STRN3: variants seen among roughly 807,000 people sequenced by gnomAD.
STRN3 encodes striatin 3, also known as striatin-3.
STRN3 carries 29 observed loss-of-function variants against 95.6 expected under a neutral mutation model. The observed-to-expected ratio is 0.30, with a 90% confidence interval of 0.23 to 0.41. The LOEUF (loss-of-function observed/expected upper bound fraction) is 0.41, where lower values mean the gene tolerates loss of function less well. STRN3 is among the 10% of genes least tolerant of loss of function. The probability of loss-of-function intolerance (pLI) is 1.00; values close to 1 mark genes in which losing one functional copy is unlikely to be tolerated. For synonymous variants in STRN3, 331 were observed against 357.6 expected (o/e 0.93, Z 0.84); for missense variants, 890 against 972.1 (o/e 0.92, Z 1.12).
intron 1 of STRN3, among the ~76,000 whole-genome samples, chr14:31,022,373 A>G (rs1805486622): frequency 9.4e-6 from 1 of 106,546 alleles, no homozygotes; most frequent in African/African-American, 3.6e-5. Context: ...GTAGAGCGAG[A>G]CTCCATCTCA....
intron 16 of STRN3, among the ~76,000 whole-genome samples, chr14:30,900,359 CAA>C (rs559429217): frequency 3.7e-5 from 2 of 53,910 alleles, no homozygotes; most frequent in African/African-American, 7.1e-5. Flanking sequence ...AACTCCATCT[CAA>C]AAAAAAAAAA....
rs957962162 is a variant in STRN3, at chr14:30,895,224, T to C, written c.*187A>G. 4 of 621,602 alleles carry C rather than the reference T, an allele frequency of 6.4e-6. No homozygotes were observed. In the South Asian group the frequency reaches 1.1e-4, roughly 17 times the overall value. 38.5% of individuals were successfully genotyped at this position (621,602 alleles called of 1,614,324 possible). A position where few individuals can be genotyped will look rare whatever the true frequency, so the allele number is the denominator to read the frequency against. The stretch of plus-strand genomic sequence containing the variant: ...GTCCTTTTTTCTTTGTCCCACAAAA[T>C]ACAGTAATTACAGTTAACTTAATGA... On this transcript the variant is annotated 3_prime_UTR_variant, in exon 18 of 18. Transcript: ENST00000357479.
chr14:30,902,627 A>C lies in STRN3; in HGVS notation c.2046T>G (p.Asn682Lys), dbSNP rs1896354964. 1 of 1,593,788 alleles carries C rather than the reference A, an allele frequency of 6.3e-7. No individual in the cohort carries two copies. Among genetic ancestry groups the C allele is most frequent in the Admixed American group, 1.8e-5 (1 of 56,632 alleles). Residue 682 changes from asparagine to lysine, a missense_variant, in exon 16 of 18, where the codon AAT (asparagine) becomes AAG (lysine). Asn to Lys is a moderately conservative substitution (Grantham distance 94). Transcript: ENST00000357479. ...SQVDSGLQSNNHINRVVSHPT... is the reference protein window; with the variant it reads ...SQVDSGLQSNKHINRVVSHPT... ...GATGACTTACTACTCTGTTGATATG[A>C]TTATTAGATTGTAAACCTGAAAAAT...
chr14:30,984,266 T>TAAAA (rs755650146), intron 1 of STRN3, among the ~76,000 whole-genome samples: 9 of 86,874 alleles, frequency 1.0e-4, no homozygotes, highest in East Asian at 4.5e-4. Flanking sequence ...TGAGGAATTC[T>TAAAA]AAAAAAAAAA....
chr14:30,949,468 G>A (rs371855028), intron 4 of STRN3, among the ~76,000 whole-genome samples: 8 of 152,144 alleles, frequency 5.3e-5, no homozygotes, highest in African/African-American at 7.2e-5. Flanking sequence ...AAAACTAGCC[G>A]GGCATGGTGG....
Position 31,026,343 on chromosome 14 carries a change from G to T in STRN3, c.-158C>A. The T allele has an allele frequency of 1.5e-6, 1 of 649,230 alleles. No individual in the cohort carries two copies. Among genetic ancestry groups the T allele is most frequent in the Non-Finnish European group, 2.3e-6 (1 of 436,222 alleles). 40.2% of individuals were successfully genotyped at this position (649,230 alleles called of 1,614,324 possible). On this transcript the variant is annotated 5_prime_UTR_variant, in exon 1 of 18. Transcript: ENST00000357479. ...TGCCTGCCGTGGGTCAGAGCAGGGA[G>T]CTGCCGGCTGCCGCCATTACAATCC... is the stretch of plus-strand genomic sequence containing the variant.
At position 30,918,990 on chromosome 14, in the gene STRN3, G is replaced by T; in HGVS notation, c.1216C>A (p.His406Asn). 1 of 1,596,594 alleles carries T rather than the reference G, an allele frequency of 6.3e-7. No individual in the cohort carries two copies. Among genetic ancestry groups the T allele is most frequent in the Non-Finnish European group, 8.5e-7 (1 of 1,170,410 alleles). Residue 406 changes from histidine to asparagine, a missense_variant, in exon 9 of 18, where the codon CAT (histidine) becomes AAT (asparagine). Transcript: ENST00000357479. ...CCTTCCTCTGCTCTTGCACCTTCATGATCAGTCATTCTAGTAGAGGCTGAC... is the reference window on the plus strand; with the variant it reads ...CCTTCCTCTGCTCTTGCACCTTCATTATCAGTCATTCTAGTAGAGGCTGAC... Reference protein sequence around the residue: ...SRSASTRMTDHEGARAEEAEP... With the variant: ...SRSASTRMTDNEGARAEEAEP...
At chr14:31,018,604 C>A in intron 1 of STRN3, 1 of 503,644 alleles carries the variant, frequency 2.0e-6, no homozygotes, top group East Asian at 5.8e-5. Flanking sequence ...CAGAGGTTAC[C>A]CAGCAGACCA....
At chr14:30,908,678 C>T (rs1431462911) in intron 13 of STRN3, among the ~76,000 whole-genome samples, 1 of 152,096 alleles carries the variant, frequency 6.6e-6, no homozygotes, top group African/African-American at 2.4e-5. Context: ...GATTTCGCAC[C>T]CTCTCCTGCA....
rs374162092 is a variant in STRN3, at chr14:30,895,703, C to G, written c.2183G>C (p.Ser728Thr). Reference sequence around the variant, plus strand: ...GATTCCATTAGGATCTACTGCTAGACTTGTAACAGCATCCAAGTGAGCTAC... The same window carrying G: ...GATTCCATTAGGATCTACTGCTAGAGTTGTAACAGCATCCAAGTGAGCTAC... ...SMVAHLDAVT[S>T]LAVDPNGIYL... is the part of the protein sequence containing the mutation. Residue 728 changes from serine to threonine, a missense_variant, in exon 17 of 18, where the codon AGT becomes ACT. Ser to Thr is a moderately conservative substitution (Grantham distance 58). Transcript: ENST00000357479. 23 of 1,613,914 alleles carry G rather than the reference C, an allele frequency of 1.4e-5. No individual in the cohort carries two copies. The Middle Eastern group carries it at 4.9e-4, about 35-fold the overall frequency.
rs1316947743 is a variant in STRN3 at position 30,895,690 on chromosome 14, A to T, written c.2196T>A (p.Asp732Glu). The T allele has an allele frequency of 5.0e-6, 8 of 1,613,884 alleles. No individual in the cohort carries two copies. Among genetic ancestry groups the T allele is most frequent in the Non-Finnish European group, 5.1e-6 (6 of 1,179,992 alleles). The change falls in exon 17 of 18, where the codon GAT becomes GAA. Residue 732 changes from aspartate (D) to glutamate (E), a missense_variant. Around this residue, in one of 3 missense-constraint regions of STRN3, gnomAD observed 357 missense variants for 422.8 expected, o/e 0.84. Transcript: ENST00000357479. ...HLDAVTSLAVDPNGIYLMSGS... is the reference protein window; with the variant it reads ...HLDAVTSLAVEPNGIYLMSGS... ...CAGACATCAAATAGATTCCATTAGG[A>T]TCTACTGCTAGACTTGTAACAGCAT... is the stretch of plus-strand genomic sequence containing the variant.
chr14:30,921,942 C>G (rs958538669), intron 8 of STRN3, among the ~76,000 whole-genome samples: 1 of 152,112 alleles, frequency 6.6e-6, no homozygotes, highest in Non-Finnish European at 1.5e-5. Flanking sequence ...ACAAACATGG[C>G]TCTCTACAGC....
chr14:31,018,433 G>A lies in STRN3; in HGVS notation c.282+7471C>T, dbSNP rs186481496. Reference sequence around the variant, plus strand: ...AAGCAAGCGAACTTTATTCTTTCTCGACCCTTGTTCCTATGACACACCTCC... The same window carrying A: ...AAGCAAGCGAACTTTATTCTTTCTCAACCCTTGTTCCTATGACACACCTCC... On this transcript the variant is annotated intron_variant, in intron 1 of 17. Coordinates refer to ENST00000357479, the MANE Select transcript of STRN3 (RefSeq NM_001083893.2). 1.8e-4 allele frequency: 69 copies of A among 381,514 alleles called. 1 individual carries two copies. Among genetic ancestry groups the A allele is most frequent in the East Asian group, 1.3e-3 (16 of 12,638 alleles). The allele number at this position is 381,514 out of a possible 1,614,324, so 23.6% of individuals were successfully genotyped here.
At chr14:31,023,504 C>T (rs1468234850) in intron 1 of STRN3, among the ~76,000 whole-genome samples, 1 of 152,234 alleles carries the variant, frequency 6.6e-6, no homozygotes, top group South Asian at 2.1e-4. Context: ...AATTTTACAT[C>T]AATATGGGGT....
intron 9 of STRN3, among the ~76,000 whole-genome samples, chr14:30,915,285 T>C (rs924590162): frequency 6.6e-6 from 1 of 152,162 alleles, no homozygotes; most frequent in Admixed American, 6.5e-5. Context: ...ATATATACTA[T>C]GGCAAAATAA....
At chr14:31,004,008 G>A (rs1325502305) in intron 1 of STRN3, among the ~76,000 whole-genome samples, 3 of 150,836 alleles carry the variant, frequency 2.0e-5, no homozygotes, top group Non-Finnish European at 3.0e-5. Context: ...TTCTGGGTGG[G>A]CGCAGTGGCT....
At chr14:30,999,347 C>T (rs572468690) in intron 1 of STRN3, among the ~76,000 whole-genome samples, 81 of 152,264 alleles carry the variant, frequency 5.3e-4, no homozygotes, top group African/African-American at 1.7e-3. Flanking sequence ...GCACCTAGCC[C>T]TAGACTAAGA....
chr14:30,945,442 T>C (rs942505993), intron 5 of STRN3, among the ~76,000 whole-genome samples: 5 of 152,000 alleles, frequency 3.3e-5, no homozygotes, highest in Admixed American at 3.3e-4. Flanking sequence ...AGCAAAATCC[T>C]GTCTCTACAA....
chr14:30,908,640 T>C (rs541327786), intron 13 of STRN3, among the ~76,000 whole-genome samples: 25 of 152,330 alleles, frequency 1.6e-4, no homozygotes, highest in African/African-American at 6.0e-4. Flanking sequence ...CTTCTCAAAA[T>C]TGTTTCTTCT....
Sources: allele counts gnomAD v4.1 joint callset (sites outside exome capture counted in the v4.1 genomes callset), GRCh38; gene constraint gnomAD v4.1.1; regional missense constraint gnomAD v4.1.1; transcripts MANE v1.5; gene names NCBI Gene and HGNC (gene_info 2026-07-23, HGNC 2026-07-21).